MALRD1: variants seen among roughly 807,000 people sequenced by gnomAD.
The protein encoded by MALRD1 is MAM and LDL receptor class A domain containing 1.
A neutral mutation model predicts 242.1 loss-of-function variants in MALRD1; 247 were observed. The observed-to-expected ratio is 1.02, with a 90% CI of 0.92 to 1.13. MALRD1 has a LOEUF of 1.13. MALRD1 is among the 50% of genes most tolerant of loss of function. The pLI, the probability that MALRD1 is intolerant of heterozygous loss-of-function variation, is 0.00. For synonymous variants in MALRD1, 995 were observed against 866.6 expected (o/e 1.15, Z -2.60); for missense variants, 2,989 against 2,533.1 (o/e 1.18, Z -3.86).
At chr10:19,466,093 C>A (rs1836205693) in intron 29 of MALRD1, among the ~76,000 whole-genome samples, 1 of 152,030 alleles carries the variant, frequency 6.6e-6, no homozygotes, top group Non-Finnish European at 1.5e-5. Flanking sequence ...TTTAAAGATT[C>A]ATGAGCTAAT....
chr10:19,237,194 A>T (rs143210616), intron 18 of MALRD1, among the ~76,000 whole-genome samples: 12 of 151,934 alleles, frequency 7.9e-5, no homozygotes, highest in African/African-American at 2.9e-4. Flanking sequence ...TTTACTTTTA[A>T]CTATAGTCAC....
At chr10:19,672,589 A>G (rs1354229881) in intron 36 of MALRD1, among the ~76,000 whole-genome samples, 1 of 151,754 alleles carries the variant, frequency 6.6e-6, no homozygotes, top group Non-Finnish European at 1.5e-5. Context: ...ATGCCCGGCT[A>G]ATTTTTGTAT....
At chr10:19,057,274 T>C (rs1401942545) in intron 1 of MALRD1, among the ~76,000 whole-genome samples, 1 of 152,178 alleles carries the variant, frequency 6.6e-6, no homozygotes, top group Non-Finnish European at 1.5e-5. Flanking sequence ...AGGTAACTAA[T>C]TACATTTATT....
At chr10:19,056,301 A>AT (rs1834664978) in intron 1 of MALRD1, among the ~76,000 whole-genome samples, 1 of 151,734 alleles carries the variant, frequency 6.6e-6, no homozygotes, top group Non-Finnish European at 1.5e-5. Flanking sequence ...TTTTGACAAT[A>AT]TTAATTTTTT....
chr10:19,294,260 A>C (rs1337013541), intron 21 of MALRD1, among the ~76,000 whole-genome samples: 1 of 152,206 alleles, frequency 6.6e-6, no homozygotes, highest in Non-Finnish European at 1.5e-5. Flanking sequence ...AAGAATTGTT[A>C]TAATTGCCCC....
At chr10:19,454,098 G>C (rs1477504519) in intron 29 of MALRD1, among the ~76,000 whole-genome samples, 1 of 151,994 alleles carries the variant, frequency 6.6e-6, no homozygotes, top group Non-Finnish European at 1.5e-5. Context: ...GATGGCAATT[G>C]TAGTGGCATA....
intron 36 of MALRD1, among the ~76,000 whole-genome samples, chr10:19,653,237 C>A (rs771439708): frequency 1.1e-4 from 16 of 151,936 alleles, no homozygotes; most frequent in Admixed American, 2.0e-4. Context: ...CACTCTGTCA[C>A]CCAGGCTGGA....
At chr10:19,660,255 C>A (rs1276765581) in intron 36 of MALRD1, among the ~76,000 whole-genome samples, 1 of 152,132 alleles carries the variant, frequency 6.6e-6, no homozygotes, top group East Asian at 1.9e-4. Context: ...TTCTCCCAGA[C>A]AATATTGATT....
At chr10:19,097,867 C>A (rs1836099996) in intron 4 of MALRD1, among the ~76,000 whole-genome samples, 1 of 152,120 alleles carries the variant, frequency 6.6e-6, no homozygotes, top group Non-Finnish European at 1.5e-5. Context: ...AATCCTTTAT[C>A]ACAAAAGATT....
intron 36 of MALRD1, among the ~76,000 whole-genome samples, chr10:19,624,088 G>T (rs983289245): frequency 6.6e-6 from 1 of 152,114 alleles, no homozygotes; most frequent in African/African-American, 2.4e-5. Context: ...TAATTCTCAT[G>T]GAGGTGAATT....
chr10:19,652,985 A>G (rs1840965697), intron 36 of MALRD1, among the ~76,000 whole-genome samples: 1 of 152,172 alleles, frequency 6.6e-6, no homozygotes, highest in Non-Finnish European at 1.5e-5. Context: ...CATAATTTAC[A>G]TATCAGTATG....
chr10:19,067,362 T>C (rs967127629), intron 2 of MALRD1, among the ~76,000 whole-genome samples: 2 of 152,088 alleles, frequency 1.3e-5, no homozygotes, highest in Non-Finnish European at 2.9e-5. Flanking sequence ...ACTAATAAAC[T>C]CCATTCATTC....
chr10:19,306,565 A>G (rs1842217868), intron 21 of MALRD1, among the ~76,000 whole-genome samples: 1 of 148,620 alleles, frequency 6.7e-6, no homozygotes. Context: ...GTATGGTAGT[A>G]TATATATACC....
chr10:19,722,194 G>T (rs1394261667), intron 38 of MALRD1: 1 of 152,180 alleles, frequency 6.6e-6, no homozygotes, highest in African/African-American at 2.4e-5. Context: ...AGAACTTATA[G>T]TCTAGTTGGG....
Position 19,391,047 on chromosome 10 carries a change from C to T in MALRD1, c.4845+1438C>T, listed in dbSNP as rs563523596. ...TGGGGTTTGCTTTGATTATTTGCTT[C>T]AGTCGTATTTACATTTCAATTATGT... On this transcript the variant is annotated intron_variant, in intron 28 of 39. Transcript: ENST00000454679. Among the ~76,000 whole-genome samples, 48 of 152,160 alleles carry T rather than the reference C, an allele frequency of 3.2e-4. 1 individual carries two copies. The highest frequency in any genetic ancestry group is 5.9e-4 in the Non-Finnish European group (40 of 67,990).
Position 19,204,881 on chromosome 10 carries a change from C to G in MALRD1, c.2211-17C>G. On this transcript the variant is annotated splice_polypyrimidine_tract_variant and intron_variant, in intron 16 of 39. Transcript: ENST00000454679. Reference sequence around the variant, plus strand: ...TTCTATAAATCACTTCCATTTCTTACGTTTACTCTTTTTTAGGTTCTATAA... The same window carrying G: ...TTCTATAAATCACTTCCATTTCTTAGGTTTACTCTTTTTTAGGTTCTATAA... 6.6e-7 allele frequency: 1 copy of G among 1,522,530 alleles called. No individual in the cohort carries two copies. The highest frequency in any genetic ancestry group is 8.8e-7 in the Non-Finnish European group (1 of 1,131,808). 94.3% of individuals were successfully genotyped at this position (1,522,530 alleles called of 1,614,324 possible).
chr10:19,480,229 C>A (rs552940909), intron 29 of MALRD1, among the ~76,000 whole-genome samples: 1 of 152,274 alleles, frequency 6.6e-6, no homozygotes, highest in Admixed American at 6.5e-5. Flanking sequence ...AATTTTTAAT[C>A]CTGTTTAGTG....
At chr10:19,384,691 A>G (rs1846004226) in intron 26 of MALRD1, among the ~76,000 whole-genome samples, 2 of 138,278 alleles carry the variant, frequency 1.4e-5, no homozygotes, top group Non-Finnish European at 3.1e-5. Context: ...TATAGTATAG[A>G]TAAAATTATA....
Position 19,087,950 on chromosome 10 carries a change from C to A in MALRD1, c.435+16C>A. On this transcript the variant is annotated intron_variant, in intron 3 of 39. Transcript: ENST00000454679. Reference sequence around the variant, plus strand: ...TGACTGCCAGGTATTTGAAAGCACACAGCATTTTAAATATTTTGTCACATT... The same window carrying A: ...TGACTGCCAGGTATTTGAAAGCACAAAGCATTTTAAATATTTTGTCACATT... 5 of 1,231,032 alleles carry A rather than the reference C, an allele frequency of 4.1e-6. No homozygotes were observed. The highest frequency in any genetic ancestry group is 5.1e-6 in the Non-Finnish European group (5 of 985,680). 76.3% of individuals were successfully genotyped at this position (1,231,032 alleles called of 1,614,324 possible).
Sources: allele counts gnomAD v4.1 joint callset (sites outside exome capture counted in the v4.1 genomes callset), GRCh38; gene constraint gnomAD v4.1.1; transcripts MANE v1.5; gene names NCBI Gene and HGNC (gene_info 2026-07-23, HGNC 2026-07-21).